Variants in ADAM20 observed in about 807,000 individuals in gnomAD.
ADAM20 encodes the protein ADAM metallopeptidase domain 20.
For missense variants in ADAM20, 871 were observed against 883.2 expected, an observed-to-expected ratio of 0.99 and a Z score of 0.18; for synonymous variants, 305 against 310.2, an observed-to-expected ratio of 0.98 and a Z score of 0.18.
At chr14:70,546,542 A>C in the ADAM20 span, among the ~76,000 whole-genome samples, 1 of 152,200 alleles carries the variant, frequency 6.6e-6, no homozygotes, top group Non-Finnish European at 1.5e-5. Context: ...CCCTTTCTAA[A>C]GGAGACAATC....
At chr14:70,571,735 C>T in the ADAM20 span, among the ~76,000 whole-genome samples, 11 of 152,182 alleles carry the variant, frequency 7.2e-5, no homozygotes, top group Non-Finnish European at 1.3e-4. Context: ...ACCTAGAAAA[C>T]GTTAAAGATT....
intron 1 of ADAM20, among the ~76,000 whole-genome samples, chr14:70,528,604 TG>T (rs1339347047): frequency 3.9e-5 from 6 of 152,156 alleles, no homozygotes; most frequent in African/African-American, 1.4e-4. Flanking sequence ...CAGAGCTTAG[TG>T]GAGATAATCT....
the ADAM20 span, among the ~76,000 whole-genome samples, chr14:70,542,681 G>A: frequency 6.6e-6 from 1 of 152,244 alleles, no homozygotes; most frequent in African/African-American, 2.4e-5. Context: ...GCTCACGCCT[G>A]TAATCCCAGC....
Position 70,524,467 on chromosome 14 carries a change from G to A in ADAM20, c.291C>T (p.Ala97=), listed in dbSNP as rs1883538931. The change falls in exon 2 of 2, where the codon GCC becomes GCT. Residue 97 remains alanine, a synonymous_variant. Coordinates refer to ENST00000256389, the MANE Select transcript of ADAM20 (RefSeq NM_003814.5). The part of the protein sequence containing the change: ...LPVFTYTEQH[A]LLQDQPFIQD... ...GGATGAAGGGCTGATCCTGGAGCAG[G>A]GCATGCTGCTCTGTGTAGGTGAACA... 2 of 1,613,936 alleles carry A rather than the reference G, an allele frequency of 1.2e-6. No individual in the cohort carries two copies. The highest frequency in any genetic ancestry group is 1.7e-6 in the Non-Finnish European group (2 of 1,179,908).
Position 70,523,305 on chromosome 14 carries a change from A to G in ADAM20, c.1453T>C (p.Cys485Arg). The change falls in exon 2 of 2, where the codon TGC (cysteine) becomes CGC (arginine). Residue 485 changes from cysteine (C) to arginine (R), a missense_variant. Cys to Arg is a radical substitution (Grantham distance 180). Coordinates refer to ENST00000256389, the MANE Select transcript of ADAM20 (RefSeq NM_003814.5). ...TCCTGCACATACACATCATCTGGGCATTGATGGGATGTCCCATTGCACCAC... is the reference window on the plus strand; with the variant it reads ...TCCTGCACATACACATCATCTGGGCGTTGATGGGATGTCCCATTGCACCAC... ...PEWCNGTSHQ[C>R]PDDVYVQDGI... 6.2e-7 allele frequency: 1 copy of G among 1,614,032 alleles called. No individual in the cohort carries two copies. The highest frequency in any genetic ancestry group is 8.5e-7 in the Non-Finnish European group (1 of 1,179,950).
chr14:70,526,007 C>A (rs1883583121), intron 1 of ADAM20, among the ~76,000 whole-genome samples: 1 of 152,154 alleles, frequency 6.6e-6, no homozygotes, highest in African/African-American at 2.4e-5. Context: ...CTACACATTT[C>A]AATCTCAATG....
the ADAM20 span, among the ~76,000 whole-genome samples, chr14:70,558,386 G>C: frequency 1.3e-5 from 2 of 152,218 alleles, no homozygotes; most frequent in Non-Finnish European, 2.9e-5. Flanking sequence ...GGAGATTCTA[G>C]CTGTCTTTAG....
upstream of ADAM20, among the ~76,000 whole-genome samples, chr14:70,538,177 A>C (rs1883875083): frequency 4.1e-5 from 6 of 147,728 alleles, no homozygotes; most frequent in East Asian, 2.0e-4. Flanking sequence ...CCCAAATCCC[A>C]CTCCTCCTCC....
the ADAM20 span, among the ~76,000 whole-genome samples, chr14:70,544,873 A>G: frequency 6.6e-6 from 1 of 152,144 alleles, no homozygotes; most frequent in African/African-American, 2.4e-5. Context: ...AAATTTTTAA[A>G]AAATATTTAA....
At chr14:70,539,335 C>A (rs1401702372), upstream of ADAM20, among the ~76,000 whole-genome samples, 1 of 152,248 alleles carries the variant, frequency 6.6e-6, no homozygotes, top group African/African-American at 2.4e-5. Flanking sequence ...AATGGACGTG[C>A]AGTCAGGGAG....
upstream of ADAM20, among the ~76,000 whole-genome samples, chr14:70,538,510 C>G (rs189397811): frequency 6.6e-6 from 1 of 152,140 alleles, no homozygotes; most frequent in East Asian, 1.9e-4. Flanking sequence ...ATGTTTTTCT[C>G]TTCATAAATC....
At chr14:70,534,210 C>A (rs1883781978) in intron 1 of ADAM20, among the ~76,000 whole-genome samples, 1 of 150,610 alleles carries the variant, frequency 6.6e-6, no homozygotes, top group South Asian at 2.1e-4. Context: ...TCCCATGTAT[C>A]ACATAAAATT....
the ADAM20 span, among the ~76,000 whole-genome samples, chr14:70,572,356 C>T: frequency 6.6e-6 from 1 of 152,106 alleles, no homozygotes; most frequent in Admixed American, 6.5e-5. Context: ...TGAAAGGACT[C>T]CCTATTCAAT....
the ADAM20 span, among the ~76,000 whole-genome samples, chr14:70,562,752 A>ATGAT: frequency 6.6e-6 from 1 of 152,298 alleles, no homozygotes; most frequent in East Asian, 1.9e-4. Context: ...GCCTTCTGCC[A>ATGAT]TGATTGTAAG....
At chr14:70,566,247 T>C in the ADAM20 span, among the ~76,000 whole-genome samples, 8 of 152,202 alleles carry the variant, frequency 5.3e-5, no homozygotes, top group Non-Finnish European at 8.8e-5. Flanking sequence ...CTAAGAACTA[T>C]AACAATTAAT....
the ADAM20 span, among the ~76,000 whole-genome samples, chr14:70,543,651 T>C: frequency 1.3e-5 from 2 of 152,172 alleles, no homozygotes; most frequent in African/African-American, 4.8e-5. Flanking sequence ...AGGACTAATG[T>C]TCTTACCCTG....
At position 70,523,156 on chromosome 14, in the gene ADAM20, G is replaced by A. The variant is rs761066679; in HGVS notation, c.1602C>T (p.Ile534=). 26 of 1,613,886 alleles carry A rather than the reference G, an allele frequency of 1.6e-5. No homozygotes were observed. The South Asian group carries it at 2.9e-4, about 18-fold the overall frequency. The change falls in exon 2 of 2, where the codon ATC becomes ATT. Residue 534 remains isoleucine (I), a synonymous_variant. Coordinates refer to ENST00000256389, the MANE Select transcript of ADAM20 (RefSeq NM_003814.5). ...GACCGAAACGGTTTCCTTGGGTGTT[G>A]ATTTCTTGGTAGCAACTCTGAGATG... ...RSASQSCYQE[I]NTQGNRFGHC...
rs952524221 is a variant in ADAM20, at chr14:70,524,689, C to A, written c.69G>T (p.Leu23Phe). ...TGGCCTGAGAGTGGCCAGAAATAGA[C>A]AAAAACATCCCAAACCAGAGCAGCA... ...TLLLLWFGMF[L>F]SISGHSQARP... Residue 23 changes from leucine to phenylalanine, a missense_variant, in exon 2 of 2, where the codon TTG (leucine) becomes TTT (phenylalanine). Coordinates refer to ENST00000256389, the MANE Select transcript of ADAM20 (RefSeq NM_003814.5). 1.2e-6 allele frequency: 2 copies of A among 1,613,908 alleles called. No homozygotes were observed. The highest frequency in any genetic ancestry group is 1.3e-5 in the African/African-American group (1 of 74,996).
intron 1 of ADAM20, among the ~76,000 whole-genome samples, chr14:70,534,560 G>A (rs1883790507): frequency 6.6e-6 from 1 of 152,144 alleles, no homozygotes; most frequent in South Asian, 2.1e-4. Flanking sequence ...AGTGAAATAA[G>A]CCAGTCACAG....
Sources: gnomAD v4.1 joint callset for allele counts (sites outside exome capture counted in the v4.1 genomes callset) on GRCh38, gnomAD v4.1.1 for gene constraint, MANE v1.5 for transcripts, NCBI Gene and HGNC (gene_info 2026-07-23, HGNC 2026-07-21) for gene names.